The following TULP4 variants were observed in gnomAD, a reference collection of about 807,000 sequenced individuals.
TULP4 encodes the protein TUB like protein 4.
Under a neutral mutation model 129.0 loss-of-function variants are expected in TULP4, and 16 were observed. That is an observed-to-expected ratio of 0.12 (90% CI 0.08 to 0.19). The LOEUF is 0.19. TULP4 is among the 10% of genes least tolerant of loss of function. TULP4 has a pLI of 1.00. For synonymous variants in TULP4, 998 were observed against 854.0 expected (o/e 1.17, Z -2.94); for missense variants, 1,842 against 2,059.1 (o/e 0.89, Z 2.04).
intron 1 of TULP4, among the ~76,000 whole-genome samples, chr6:158,236,795 CTTTTTTTTTTTTTTTTTTTTTT>C (rs71030149): frequency 1.6e-5 from 1 of 63,292 alleles, no homozygotes; most frequent in Non-Finnish European, 3.1e-5. Context: ...CAATTCTTTT[CTTTTTTTTTTTTTTTTTTTTTT>C]TTTTTTTTTT....
intron 1 of TULP4, among the ~76,000 whole-genome samples, chr6:158,332,200 AATATATATATAT>A (rs776893885): frequency 2.9e-3 from 53 of 18,042 alleles, no homozygotes; most frequent in Non-Finnish European, 4.7e-3. Context: ...AAAAAAAAAA[AATATATATATAT>A]ATATATATAT....
chr6:158,363,570 G>A (rs1780850118), intron 1 of TULP4, among the ~76,000 whole-genome samples: 1 of 152,156 alleles, frequency 6.6e-6, no homozygotes, highest in African/African-American at 2.4e-5. Flanking sequence ...TGCAACCTCT[G>A]CCTCCTGGGT....
chr6:158,342,168 G>A (rs147109047), intron 1 of TULP4, among the ~76,000 whole-genome samples: 27 of 152,270 alleles, frequency 1.8e-4, no homozygotes, highest in Non-Finnish European at 2.1e-4. Context: ...CGCCCATGTC[G>A]GCCTCCCAAA....
intron 1 of TULP4, among the ~76,000 whole-genome samples, chr6:158,410,816 T>TA (rs1778081499): frequency 6.6e-6 from 1 of 152,084 alleles, no homozygotes; most frequent in Non-Finnish European, 1.5e-5. Flanking sequence ...TAAACTAAGC[T>TA]AAAAAAATGA....
intron 6 of TULP4, among the ~76,000 whole-genome samples, chr6:158,471,046 A>T (rs1779669448): frequency 6.6e-6 from 1 of 152,222 alleles, no homozygotes; most frequent in Admixed American, 6.5e-5. Flanking sequence ...ACAGCAAGGG[A>T]CAAGAGCCCA....
chr6:158,283,554 G>C lies in TULP4; in HGVS notation n.116+1176G>C, dbSNP rs535796223. ...TGTGTGCTGTTTCCTGCCTGAATTT[G>C]ATTCAACTTTGGATCTGTGTGCTTG... On this transcript the variant is annotated intron_variant and non_coding_transcript_variant, in intron 1 of 1. Transcript: ENST00000432358. Among the ~76,000 whole-genome samples, 10 of 152,248 alleles carry C rather than the reference G, an allele frequency of 6.6e-5. No homozygotes were observed. In the South Asian group the frequency reaches 2.1e-3, roughly 32 times the overall value.
intron 1 of TULP4, among the ~76,000 whole-genome samples, chr6:158,398,249 A>T (rs1583834641): frequency 6.6e-6 from 1 of 152,140 alleles, no homozygotes; most frequent in African/African-American, 2.4e-5. Flanking sequence ...ACTGTGGCTG[A>T]TACTTTTGGA....
intron 1 of TULP4, among the ~76,000 whole-genome samples, chr6:158,314,713 G>A (rs187295336): frequency 6.6e-6 from 1 of 152,314 alleles, no homozygotes; most frequent in African/African-American, 2.4e-5. Flanking sequence ...TACCTTGCAC[G>A]GTTAACATCT....
At chr6:158,236,790 C>CTTTTT (rs1562489169) in intron 1 of TULP4, among the ~76,000 whole-genome samples, 6 of 33,112 alleles carry the variant, frequency 1.8e-4, no homozygotes, top group Admixed American at 4.2e-4. Flanking sequence ...ATGCCCAATT[C>CTTTTT]TTTTCTTTTT....
At chr6:158,483,879 A>G (rs766059949) in intron 8 of TULP4, among the ~76,000 whole-genome samples, 2 of 151,568 alleles carry the variant, frequency 1.3e-5, no homozygotes, top group African/African-American at 2.4e-5. Flanking sequence ...GTTCCTCAAA[A>G]TCACCAGTGT....
intron 1 of TULP4, among the ~76,000 whole-genome samples, chr6:158,252,437 A>G (rs752277467): frequency 6.6e-6 from 1 of 151,156 alleles, no homozygotes; most frequent in Non-Finnish European, 1.5e-5. Flanking sequence ...GTGCAGTGGT[A>G]TGATCTCAGC....
intron 6 of TULP4, 103 bp downstream of exon 6, chr6:158,461,832 A>G: frequency 7.4e-7 from 1 of 1,356,388 alleles, no homozygotes; most frequent in Non-Finnish European, 9.9e-7. Context: ...TTTTTACCTT[A>G]GGTTGTGGTG....
At chr6:158,299,796 A>T (rs1480826305) in intron 1 of TULP4, among the ~76,000 whole-genome samples, 3 of 152,200 alleles carry the variant, frequency 2.0e-5, no homozygotes, top group African/African-American at 7.2e-5. Context: ...AAGCCTAATA[A>T]GAATAATTTT....
chr6:158,253,788 A>T (rs1778191201), intron 1 of TULP4, among the ~76,000 whole-genome samples: 1 of 152,186 alleles, frequency 6.6e-6, no homozygotes, highest in Non-Finnish European at 1.5e-5. Flanking sequence ...TAATCCCAGC[A>T]CTTTGGGAGG....
chr6:158,334,079 T>G (rs1386866917), intron 1 of TULP4, among the ~76,000 whole-genome samples: 2 of 152,174 alleles, frequency 1.3e-5, no homozygotes, highest in Non-Finnish European at 2.9e-5. Context: ...TTGTCCCCAG[T>G]GAATTGCGCA....
intron 1 of TULP4, among the ~76,000 whole-genome samples, chr6:158,402,493 G>C (rs1262667123): frequency 6.6e-6 from 1 of 152,204 alleles, no homozygotes; most frequent in Non-Finnish European, 1.5e-5. Flanking sequence ...AGTGCAGACT[G>C]TCTGAGAAAA....
rs555722575 is a variant in TULP4, at chr6:158,493,399, C to T, written c.1632-174C>T. Among the ~76,000 whole-genome samples the T allele has an allele frequency of 1.7e-4, 26 of 152,206 alleles. No individual in the cohort carries two copies. Among genetic ancestry groups the T allele is most frequent in the Non-Finnish European group, 3.4e-4 (23 of 68,048 alleles). On this transcript the variant is annotated intron_variant, in intron 9 of 13. Transcript: ENST00000367097. This position sits in a 1 kb window ranked among gnomAD's most constrained non-coding sequence, Gnocchi z 4.4. ...CAATGTAAAGTTGTCATTCTTTCCT[C>T]ATATTCATAAAGCAAAAGCAAGGGG...
At chr6:158,253,326 A>G (rs1778179032) in intron 1 of TULP4, among the ~76,000 whole-genome samples, 1 of 152,190 alleles carries the variant, frequency 6.6e-6, no homozygotes, top group Admixed American at 6.5e-5. Flanking sequence ...TAGACGAGAC[A>G]TGTTGCCTGA....
At position 158,493,648 on chromosome 6, in the gene TULP4, C is replaced by T. The variant is rs372859971; in HGVS notation, c.1707C>T (p.Pro569=). The change falls in exon 10 of 14, where the codon CCC becomes CCT. Residue 569 remains proline, a synonymous_variant. Transcript: ENST00000367097. This position sits in a 1 kb window ranked among gnomAD's most constrained non-coding sequence, Gnocchi z 4.4. ...AGCTCTCCCGGTCCCCACGGTTGCC[C>T]CTGCGCAAGCCCTCTGTGGGCTCGC... ...AQELSRSPRL[P]LRKPSVGSPS... The T allele has an allele frequency of 3.8e-6, 6 of 1,598,834 alleles. No homozygotes were observed. The African/African-American group carries it at 8.1e-5, about 22-fold the overall frequency.
Sources: allele counts gnomAD v4.1 joint callset (sites outside exome capture counted in the v4.1 genomes callset), GRCh38; gene constraint gnomAD v4.1.1; non-coding constraint Gnocchi (gnomAD v3.1); transcripts MANE v1.5; gene names NCBI Gene and HGNC (gene_info 2026-07-23, HGNC 2026-07-21).